GLMN: variants seen among roughly 807,000 people sequenced by gnomAD.
GLMN encodes glomulin, FKBP associated protein, also known as glomulin.
Under a neutral mutation model 87.8 loss-of-function variants are expected in GLMN, and 75 were observed. The observed-to-expected ratio is 0.85, with a 90% CI of 0.71 to 1.04. The LOEUF is 1.04. Ranked by LOEUF, GLMN falls within the 50% of genes least tolerant of loss-of-function variation. The pLI, the probability that GLMN is intolerant of heterozygous loss-of-function variation, is 0.00. For synonymous variants in GLMN, 206 were observed against 221.6 expected, an observed-to-expected ratio of 0.93 and a Z score of 0.63; for missense variants, 588 against 658.8, an observed-to-expected ratio of 0.89 and a Z score of 1.18.
the GLMN span, chr1:92,323,569 A>G: frequency 1.4e-5 from 22 of 1,613,796 alleles, no homozygotes; most frequent in Non-Finnish European, 1.8e-5. Flanking sequence ...TGATAGTAGC[A>G]GTGACAATGA....
chr1:92,318,928 G>A, the GLMN span, among the ~76,000 whole-genome samples: 1 of 152,046 alleles, frequency 6.6e-6, no homozygotes, highest in African/African-American at 2.4e-5. Flanking sequence ...AAATGATGAG[G>A]GCAGACTTCT....
intron 16 of GLMN, among the ~76,000 whole-genome samples, chr1:92,249,829 C>G (rs140110132): frequency 6.6e-6 from 1 of 152,098 alleles, no homozygotes; most frequent in Non-Finnish European, 1.5e-5. Context: ...TCTGTATCCA[C>G]GAGATCAAGT....
intron 7 of GLMN, among the ~76,000 whole-genome samples, chr1:92,281,975 A>C (rs1406814830): frequency 1.3e-5 from 2 of 152,234 alleles, no homozygotes; most frequent in East Asian, 3.8e-4. Context: ...TTTATAAAGC[A>C]AGTCCTTAGA....
intron 7 of GLMN, among the ~76,000 whole-genome samples, chr1:92,276,946 G>A (rs1029362608): frequency 6.6e-6 from 1 of 152,086 alleles, no homozygotes; most frequent in African/African-American, 2.4e-5. Context: ...CAATACATTT[G>A]TTTTAAAGGC....
chr1:92,298,249 G>GT (rs1341545490), intron 1 of GLMN, among the ~76,000 whole-genome samples: 2 of 151,468 alleles, frequency 1.3e-5, no homozygotes, highest in East Asian at 3.9e-4. Flanking sequence ...AAAATAAAGT[G>GT]TTTTTTTAGA....
the GLMN span, chr1:92,304,349 G>A: frequency 6.6e-7 from 1 of 1,505,948 alleles, no homozygotes; most frequent in Non-Finnish European, 9.1e-7. Context: ...CTGAAAGAAA[G>A]GTGAGTTTAA....
chr1:92,335,809 C>T, the GLMN span, among the ~76,000 whole-genome samples: 2 of 152,096 alleles, frequency 1.3e-5, no homozygotes, highest in African/African-American at 4.8e-5. Context: ...TGATTTTTCA[C>T]TACTAAAGCT....
chr1:92,321,360 C>T, the GLMN span, among the ~76,000 whole-genome samples: 1 of 152,268 alleles, frequency 6.6e-6, no homozygotes, highest in African/African-American at 2.4e-5. Context: ...GAGACAGCCC[C>T]ATGGCTATAT....
chr1:92,354,007 A>G, the GLMN span, among the ~76,000 whole-genome samples: 20 of 152,236 alleles, frequency 1.3e-4, no homozygotes, highest in African/African-American at 4.8e-4. Flanking sequence ...ACTTCAGGCC[A>G]TACTCCACAT....
chr1:92,349,534 T>C, the GLMN span, among the ~76,000 whole-genome samples: 2 of 152,238 alleles, frequency 1.3e-5, no homozygotes, highest in African/African-American at 4.8e-5. Context: ...AACTGAGTCT[T>C]GAATTTTCAC....
chr1:92,254,386 G>C (rs994855163), intron 16 of GLMN, among the ~76,000 whole-genome samples: 1 of 152,124 alleles, frequency 6.6e-6, no homozygotes, highest in African/African-American at 2.4e-5. Flanking sequence ...TAGGAAGACA[G>C]GCCAACAGTC....
At chr1:92,248,799 A>G (rs1396329093) in intron 16 of GLMN, among the ~76,000 whole-genome samples, 1 of 152,098 alleles carries the variant, frequency 6.6e-6, no homozygotes. Flanking sequence ...ATGCTGAATA[A>G]TTGATAATAT....
chr1:92,270,442 T>C (rs186070091), intron 8 of GLMN, among the ~76,000 whole-genome samples: 2 of 152,338 alleles, frequency 1.3e-5, no homozygotes, highest in African/African-American at 2.4e-5. Flanking sequence ...AATGCTCTAT[T>C]TCACAGGCTT....
chr1:92,336,251 C>T, the GLMN span: 1 of 755,314 alleles, frequency 1.3e-6, no homozygotes, highest in South Asian at 1.6e-5. Context: ...CATCTAAATG[C>T]CATTATTAGC....
At chr1:92,345,121 T>G in the GLMN span, among the ~76,000 whole-genome samples, 5 of 152,134 alleles carry the variant, frequency 3.3e-5, no homozygotes, top group African/African-American at 7.2e-5. Context: ...CTGTAAATTA[T>G]GCATTATAAC....
chr1:92,249,387 T>C (rs1653143585), intron 16 of GLMN, among the ~76,000 whole-genome samples: 1 of 151,988 alleles, frequency 6.6e-6, no homozygotes, highest in African/African-American at 2.4e-5. Flanking sequence ...TTGGGTTATA[T>C]GCAGCAGGAA....
chr1:92,274,822 G>A (rs1647186167), intron 7 of GLMN, among the ~76,000 whole-genome samples: 1 of 152,076 alleles, frequency 6.6e-6, no homozygotes, highest in Non-Finnish European at 1.5e-5. Context: ...CTAGCAATCT[G>A]CTTTTCTACT....
At chr1:92,361,183 G>T in the GLMN span, among the ~76,000 whole-genome samples, 1 of 151,302 alleles carries the variant, frequency 6.6e-6, no homozygotes, top group African/African-American at 2.4e-5. Flanking sequence ...GAGAATAAGA[G>T]AATTTCCATT....
chr1:92,359,419 A>G, the GLMN span, among the ~76,000 whole-genome samples: 2 of 152,220 alleles, frequency 1.3e-5, no homozygotes, highest in Admixed American at 1.3e-4. Context: ...TCCCAGGTTC[A>G]AGCAATTCTC....
Sources: allele counts gnomAD v4.1 joint callset (sites outside exome capture counted in the v4.1 genomes callset), GRCh38; gene constraint gnomAD v4.1.1; transcripts MANE v1.5; gene names NCBI Gene and HGNC (gene_info 2026-07-23, HGNC 2026-07-21).